The following DPY19L2 variants were observed in gnomAD, a reference collection of about 807,000 sequenced individuals.
DPY19L2 encodes the protein dpy-19 like 2, also known as probable C-mannosyltransferase DPY19L2.
Under a neutral mutation model 97.9 loss-of-function variants are expected in DPY19L2, and 34 were observed. The ratio of observed to expected loss-of-function variants is 0.35; its 90% CI spans 0.26 to 0.46. The LOEUF is 0.46. Ranked by LOEUF, DPY19L2 falls within the 20% of genes least tolerant of loss-of-function variation. DPY19L2 has a pLI of 1.00. For missense variants in DPY19L2, 623 were observed against 911.4 expected (o/e 0.68, Z 4.07); for synonymous variants, 230 against 307.9 (o/e 0.75, Z 2.65).
intron 19 of DPY19L2, among the ~76,000 whole-genome samples, chr12:63,573,355 A>G (rs1338594570): frequency 5.3e-5 from 8 of 152,052 alleles, no homozygotes; most frequent in Non-Finnish European, 1.2e-4. Flanking sequence ...CAAGCAGAAG[A>G]AAGAATTAGT....
intron 11 of DPY19L2, among the ~76,000 whole-genome samples, chr12:63,615,720 A>G (rs1463211846): frequency 6.6e-6 from 1 of 152,186 alleles, no homozygotes; most frequent in Non-Finnish European, 1.5e-5. Context: ...TTACTATCAT[A>G]GCAGTCAAGA....
intron 16 of DPY19L2, among the ~76,000 whole-genome samples, chr12:63,587,252 T>C (rs1881949456): frequency 6.6e-6 from 1 of 152,038 alleles, no homozygotes; most frequent in South Asian, 2.1e-4. Flanking sequence ...GCACTATCTA[T>C]ATAAAGCAAA....
chr12:63,559,366 T>G lies in DPY19L2; in HGVS notation c.*1146A>C, dbSNP rs1259620044. 6.6e-6 allele frequency: 1 copy of G among 152,328 alleles called. No individual in the cohort carries two copies. Among genetic ancestry groups the G allele is most frequent in the East Asian group, 1.9e-4 (1 of 5,196 alleles). The allele number at this position is 152,328 out of a possible 1,614,324, so 9.4% of individuals were successfully genotyped here. On this transcript the variant is annotated 3_prime_UTR_variant, in exon 22 of 22. Transcript: ENST00000324472. Reference sequence around the variant, plus strand: ...TAAGGGAATTATAAAAACCCCAAGATGACTCATTTAAAGTAGATGCACATT... The same window carrying G: ...TAAGGGAATTATAAAAACCCCAAGAGGACTCATTTAAAGTAGATGCACATT...
chr12:63,563,161 A>G (rs1396725063), intron 21 of DPY19L2, among the ~76,000 whole-genome samples: 1 of 152,134 alleles, frequency 6.6e-6, no homozygotes, highest in African/African-American at 2.4e-5. Context: ...TTATACATCT[A>G]GAGAAAGTCC....
chr12:63,664,274 T>G (rs1592780494), intron 2 of DPY19L2, among the ~76,000 whole-genome samples: 2 of 151,856 alleles, frequency 1.3e-5, no homozygotes, highest in African/African-American at 4.8e-5. Flanking sequence ...GAGGTGGAGG[T>G]TGCAGTAAGC....
rs1878315053 is a variant in DPY19L2 at position 63,569,100 on chromosome 12, T to C, written c.2126+124A>G. On this transcript the variant is annotated intron_variant, in intron 21 of 21. Transcript: ENST00000324472. ...CTAGATGAAATAATTTAAACTAAGG[T>C]ACCAGGATAATATTTTAATAAATTT... 5 of 1,077,310 alleles carry C rather than the reference T, an allele frequency of 4.6e-6. No homozygotes were observed. The South Asian group carries it at 1.0e-4, about 22-fold the overall frequency. The allele number at this position is 1,077,310 out of a possible 1,614,324, so 66.7% of individuals were successfully genotyped here. A position where few individuals can be genotyped will look rare whatever the true frequency, so the allele number is the denominator to read the frequency against.
chr12:63,666,159 T>C (rs1236446532), intron 1 of DPY19L2, among the ~76,000 whole-genome samples: 7 of 152,136 alleles, frequency 4.6e-5, no homozygotes, highest in Admixed American at 2.0e-4. Flanking sequence ...CTTTTTTGAT[T>C]TTTTTCAGTA....
chr12:63,621,160 A>G (rs953057045), intron 9 of DPY19L2, 78 bp downstream of exon 9: 2 of 1,188,496 alleles, frequency 1.7e-6, no homozygotes, highest in African/African-American at 3.1e-5. Flanking sequence ...ATTTACCTAC[A>G]TAACAAACCT....
At chr12:63,639,415 C>T (rs1892309468) in intron 6 of DPY19L2, among the ~76,000 whole-genome samples, 4 of 152,038 alleles carry the variant, frequency 2.6e-5, no homozygotes, top group Admixed American at 1.3e-4. Context: ...AATAGGCAAC[C>T]TACAGAATGG....
chr12:63,609,663 T>G (rs1384790150), intron 11 of DPY19L2, among the ~76,000 whole-genome samples: 1 of 152,152 alleles, frequency 6.6e-6, no homozygotes, highest in Admixed American at 6.5e-5. Flanking sequence ...CCATCCTGTC[T>G]GTGGTACTTT....
chr12:63,602,608 A>G (rs1885369433), intron 12 of DPY19L2, among the ~76,000 whole-genome samples: 1 of 152,164 alleles, frequency 6.6e-6, no homozygotes, highest in Admixed American at 6.5e-5. Context: ...GGCATCTTTC[A>G]GTAGAACTAT....
At chr12:63,578,535 C>A (rs1278913467) in intron 19 of DPY19L2, among the ~76,000 whole-genome samples, 2 of 152,096 alleles carry the variant, frequency 1.3e-5, no homozygotes, top group Non-Finnish European at 2.9e-5. Flanking sequence ...GATGATTACA[C>A]ATTGTATGCC....
At chr12:63,596,329 A>C (rs1884232975) in intron 14 of DPY19L2, among the ~76,000 whole-genome samples, 1 of 152,086 alleles carries the variant, frequency 6.6e-6, no homozygotes, top group Non-Finnish European at 1.5e-5. Context: ...CATAATACTA[A>C]GTTTTAAAAT....
chr12:63,599,021 A>C (rs1431033612), intron 13 of DPY19L2, among the ~76,000 whole-genome samples: 10 of 151,996 alleles, frequency 6.6e-5, no homozygotes, highest in South Asian at 4.2e-4. Flanking sequence ...AATAATACAA[A>C]AATTAGCCAG....
chr12:63,617,016 T>A (rs1475214967), intron 11 of DPY19L2, among the ~76,000 whole-genome samples: 1 of 152,148 alleles, frequency 6.6e-6, no homozygotes, highest in African/African-American at 2.4e-5. Flanking sequence ...TCAAGTGACT[T>A]AGGAGAAAAG....
chr12:63,616,087 C>T (rs1055311922), intron 11 of DPY19L2, among the ~76,000 whole-genome samples: 1 of 152,056 alleles, frequency 6.6e-6, no homozygotes, highest in Non-Finnish European at 1.5e-5. Context: ...ATGCAAATAA[C>T]ACACCATTTT....
At chr12:63,616,579 A>C (rs1323181258) in intron 11 of DPY19L2, among the ~76,000 whole-genome samples, 1 of 152,110 alleles carries the variant, frequency 6.6e-6, no homozygotes, top group Non-Finnish European at 1.5e-5. Context: ...TGGCTTATAG[A>C]TATCAGAAGT....
intron 20 of DPY19L2, among the ~76,000 whole-genome samples, chr12:63,569,810 G>T (rs1314571074): frequency 2.6e-5 from 4 of 152,134 alleles, no homozygotes; most frequent in African/African-American, 9.7e-5. Context: ...TGTCAGAAGA[G>T]GTAGGAAAAG....
At chr12:63,566,212 T>C (rs1437982425) in intron 21 of DPY19L2, among the ~76,000 whole-genome samples, 2 of 152,064 alleles carry the variant, frequency 1.3e-5, no homozygotes, top group Non-Finnish European at 2.9e-5. Flanking sequence ...AGGCTTGCTA[T>C]AGTGCTCTTT....
Sources: allele counts gnomAD v4.1 joint callset (sites outside exome capture counted in the v4.1 genomes callset), GRCh38; gene constraint gnomAD v4.1.1; transcripts MANE v1.5; gene names NCBI Gene and HGNC (gene_info 2026-07-23, HGNC 2026-07-21).